Variants in VPS13D observed in about 807,000 individuals in gnomAD.
VPS13D encodes the protein intermembrane lipid transfer protein VPS13D.
VPS13D carries 187 observed loss-of-function variants against 461.9 expected under a neutral mutation model. That is an observed-to-expected ratio of 0.40 (90% CI 0.36 to 0.46). The LOEUF (loss-of-function observed/expected upper bound fraction) is 0.46. Among genes scored for constraint, VPS13D ranks in the 20% least tolerant of loss-of-function variants. VPS13D has a pLI of 0.60. For missense variants in VPS13D, 4,711 were observed against 5,364.9 expected (o/e 0.88, Z 3.81); for synonymous variants, 1,951 against 1,986.3 (o/e 0.98, Z 0.47).
chr1:12,389,374 A>G (rs540965256), intron 60 of VPS13D, among the ~76,000 whole-genome samples: 2 of 152,314 alleles, frequency 1.3e-5, no homozygotes, highest in South Asian at 2.1e-4. Flanking sequence ...CCCTTTGTCA[A>G]CTGCCGAGAT....
At chr1:12,324,138 A>G (rs1178877942) in intron 35 of VPS13D, among the ~76,000 whole-genome samples, 2 of 152,044 alleles carry the variant, frequency 1.3e-5, no homozygotes, top group African/African-American at 4.8e-5. Flanking sequence ...CGAACTCCTG[A>G]CTTCAAGTGA....
At chr1:12,313,598 G>A (rs774917300) in intron 29 of VPS13D, among the ~76,000 whole-genome samples, 19 of 152,084 alleles carry the variant, frequency 1.2e-4, no homozygotes, top group African/African-American at 1.2e-4. Flanking sequence ...ATGAAAAAAC[G>A]ATGGTTCCAA....
intron 21 of VPS13D, among the ~76,000 whole-genome samples, chr1:12,285,546 T>C (rs1641942092): frequency 6.6e-6 from 1 of 152,126 alleles, no homozygotes; most frequent in South Asian, 2.1e-4. Context: ...TGCCTCAGTC[T>C]CCCAAAGTGC....
At position 12,260,738 on chromosome 1, in the gene VPS13D, A is replaced by G. The variant is rs1329728407; in HGVS notation, c.1156A>G (p.Lys386Glu). 6.2e-7 allele frequency: 1 copy of G among 1,613,996 alleles called. No individual in the cohort carries two copies. The highest frequency in any genetic ancestry group is 8.5e-7 in the Non-Finnish European group (1 of 1,180,022). ...AGAGGAACAGAGCTTTGAGGAATTG[A>G]AGATTTTGCGTGAACTGGTTCATGA... ...IEEEQSFEEL[K>E]ILRELVHDRF... The change falls in exon 11 of 70, where the codon AAG becomes GAG. Residue 386 changes from lysine (K) to glutamate (E), a missense_variant. By Grantham distance (56) the Lys-to-Glu change is moderately conservative. Around this residue, in one of 3 missense-constraint regions of VPS13D, gnomAD observed 4,411 missense variants for 4,937.8 expected, o/e 0.89. Transcript: ENST00000620676.
chr1:12,239,612 G>C (rs1640278725), intron 2 of VPS13D, among the ~76,000 whole-genome samples: 2 of 152,182 alleles, frequency 1.3e-5, no homozygotes, highest in African/African-American at 4.8e-5. Flanking sequence ...TTCAGCCTGG[G>C]GGCCTATCGT....
chr1:12,271,770 C>G (rs1641449068), intron 17 of VPS13D, among the ~76,000 whole-genome samples: 1 of 152,146 alleles, frequency 6.6e-6, no homozygotes. Context: ...TTACTGTTAC[C>G]AGAAGAGACA....
intron 2 of VPS13D, among the ~76,000 whole-genome samples, chr1:12,237,218 G>T (rs1640180503): frequency 6.6e-6 from 1 of 151,616 alleles, no homozygotes; most frequent in South Asian, 2.1e-4. Context: ...TTTAAGAATG[G>T]AGATAGCATT....
Position 12,363,108 on chromosome 1 carries a change from C to G in VPS13D, c.10309C>G (p.Pro3437Ala), listed in dbSNP as rs1171851087. 1 of 1,614,106 alleles carries G rather than the reference C, an allele frequency of 6.2e-7. No individual in the cohort carries two copies. Among genetic ancestry groups the G allele is most frequent in the African/African-American group, 1.3e-5 (1 of 74,918 alleles). ...TCCCGAAGGTTACATTTCCACCCTT[C>G]CTGGTTCCAGTGTGGTGTTCCACTG... The part of the protein sequence containing the change: ...ANPEGYISTL[P>A]GSSVVFHWPR... Residue 3437 changes from proline (P) to alanine (A), a missense_variant, in exon 52 of 70, where the codon CCT (proline) becomes GCT (alanine). Physicochemically the swap from Pro to Ala is conservative, Grantham distance 27. Around this residue, in one of 3 missense-constraint regions of VPS13D, gnomAD observed 4,411 missense variants for 4,937.8 expected, o/e 0.89. Transcript: ENST00000620676.
At chr1:12,411,067 C>T (rs1021642530) in intron 63 of VPS13D, among the ~76,000 whole-genome samples, 1 of 152,182 alleles carries the variant, frequency 6.6e-6, no homozygotes, top group African/African-American at 2.4e-5. Context: ...CCCATTATCA[C>T]CACTTCTTTC....
chr1:12,352,255 C>T (rs901643952), intron 46 of VPS13D, among the ~76,000 whole-genome samples: 1 of 152,044 alleles, frequency 6.6e-6, no homozygotes, highest in African/African-American at 2.4e-5. Context: ...CACACCACTG[C>T]ACTCCAGCTT....
At position 12,283,214 on chromosome 1, in the gene VPS13D, A is replaced by C. The variant is rs1002153251; in HGVS notation, c.5112A>C (p.Glu1704Asp). 2 of 1,614,156 alleles carry C rather than the reference A, an allele frequency of 1.2e-6. No individual in the cohort carries two copies. Among genetic ancestry groups the C allele is most frequent in the East Asian group, 2.2e-5 (1 of 44,878 alleles). ...APKPSSLAQK[E>D]YLSQSCPSVS... ...AGCCATCTAGTTTAGCACAAAAAGA[A>C]TACCTTTCTCAGTCTTGCCCCTCAG... The change falls in exon 21 of 70, where the codon GAA becomes GAC. Residue 1704 changes from glutamate (E) to aspartate (D), a missense_variant. Coordinates refer to ENST00000620676, the MANE Select transcript of VPS13D (RefSeq NM_015378.4).
At chr1:12,248,912 A>G (rs1640643319) in intron 5 of VPS13D, among the ~76,000 whole-genome samples, 1 of 152,180 alleles carries the variant, frequency 6.6e-6, no homozygotes, top group Non-Finnish European at 1.5e-5. Flanking sequence ...TCTTTTGGTA[A>G]AACTAATCAC....
At chr1:12,388,587 A>T (rs1644379768) in intron 60 of VPS13D, among the ~76,000 whole-genome samples, 3 of 152,072 alleles carry the variant, frequency 2.0e-5, no homozygotes, top group Admixed American at 2.0e-4. Context: ...GGGAAAAAAA[A>T]AAAAAAGAAA....
intron 21 of VPS13D, among the ~76,000 whole-genome samples, chr1:12,285,990 T>TTCCTC (rs1332549731): frequency 0.11 from 5,313 of 48,584 alleles, 497 homozygotes; most frequent in Non-Finnish European, 0.15. Context: ...TTCCTTTCCT[T>TTCCTC]TCCTCTCCTC....
chr1:12,410,075 G>A (rs142912603), intron 63 of VPS13D, among the ~76,000 whole-genome samples: 2 of 152,324 alleles, frequency 1.3e-5, no homozygotes, highest in East Asian at 3.9e-4. Context: ...GCTACTAAGA[G>A]AGCTGGTAAT....
At position 12,318,325 on chromosome 1, in the gene VPS13D, G is replaced by A; in HGVS notation, c.7402G>A (p.Val2468Ile). The A allele has an allele frequency of 6.2e-7, 1 of 1,610,502 alleles. No homozygotes were observed. Among genetic ancestry groups the A allele is most frequent in the Non-Finnish European group, 8.5e-7 (1 of 1,177,054 alleles). ...CAATGAAAGGCACCTGGAGGTCAAG[G>A]TCAATGTAACAGGTGATTATATGTG... ...VSNERHLEVK[V>I]NVTGTEFVVI... Residue 2468 changes from valine to isoleucine, a missense_variant, in exon 31 of 70, where the codon GTC becomes ATC. Physicochemically the swap from Val to Ile is conservative, Grantham distance 29 (BLOSUM62 3). This residue lies in a region of VPS13D where 4,411 missense variants were observed against 4,937.8 expected (regional missense o/e 0.89). Transcript: ENST00000620676.
At chr1:12,282,610 T>A in intron 20 of VPS13D, 95 bp from the exon 21 acceptor site, 1 of 1,205,098 alleles carries the variant, frequency 8.3e-7, no homozygotes, top group Non-Finnish European at 1.2e-6. Flanking sequence ...TACAGCCTCA[T>A]GTAGGAATCA....
chr1:12,499,922 T>C (rs536522022), intron 68 of VPS13D: 3 of 985,430 alleles, frequency 3.0e-6, no homozygotes, highest in Non-Finnish European at 3.6e-6. Flanking sequence ...TATCCTAGAT[T>C]TGTAATTAAA....
intron 5 of VPS13D, among the ~76,000 whole-genome samples, chr1:12,248,337 AT>A (rs1237281167): frequency 6.6e-6 from 1 of 150,956 alleles, no homozygotes; most frequent in Non-Finnish European, 1.5e-5. Context: ...TATTATTATT[AT>A]TATTATTATT....
Sources: allele counts gnomAD v4.1 joint callset (sites outside exome capture counted in the v4.1 genomes callset), GRCh38; gene constraint gnomAD v4.1.1; regional missense constraint gnomAD v4.1.1; transcripts MANE v1.5; gene names NCBI Gene and HGNC (gene_info 2026-07-23, HGNC 2026-07-21).